The following CC2D2A variants were observed in gnomAD, a reference collection of about 807,000 sequenced individuals.
CC2D2A encodes the protein coiled-coil and C2 domain-containing protein 2A.
In CC2D2A, 155 loss-of-function variants were observed where a neutral mutation model predicts 212.9. The ratio of observed to expected loss-of-function variants is 0.73; its 90% confidence interval spans 0.64 to 0.83. CC2D2A has a LOEUF of 0.83. Ranked by LOEUF, CC2D2A falls within the 40% of genes least tolerant of loss-of-function variation. The pLI is 0.00. For synonymous variants in CC2D2A, 667 were observed against 686.5 expected (o/e 0.97, Z 0.44); for missense variants, 1,856 against 1,956.2 (o/e 0.95, Z 0.97).
intron 20 of CC2D2A, among the ~76,000 whole-genome samples, chr4:15,555,867 G>A (rs1457830302): frequency 6.6e-6 from 1 of 152,192 alleles, no homozygotes; most frequent in African/African-American, 2.4e-5. Context: ...CTTCTCCAGA[G>A]AGGAAGCTGA....
chr4:15,583,844 G>A (rs1009154781), intron 30 of CC2D2A, among the ~76,000 whole-genome samples: 2 of 151,438 alleles, frequency 1.3e-5, no homozygotes, highest in Non-Finnish European at 2.9e-5. Flanking sequence ...CCAGCTACTC[G>A]GGAGGCTGAG....
chr4:15,481,955 C>T (rs528547650), intron 4 of CC2D2A: 84 of 985,432 alleles, frequency 8.5e-5, no homozygotes, highest in Middle Eastern at 1.0e-3. Flanking sequence ...CCCCTACACA[C>T]GCCTTTTCTT....
chr4:15,600,957 A>G (rs966141233), intron 36 of CC2D2A, among the ~76,000 whole-genome samples: 2 of 151,884 alleles, frequency 1.3e-5, no homozygotes, highest in African/African-American at 4.8e-5. Context: ...TAACCTATGT[A>G]TCTGGAATTA....
intron 6 of CC2D2A, among the ~76,000 whole-genome samples, chr4:15,506,796 G>A (rs192796724): frequency 3.3e-5 from 5 of 152,162 alleles, no homozygotes; most frequent in East Asian, 1.9e-4. Flanking sequence ...ATCCTAGGCC[G>A]GGTGCGGTGG....
At chr4:15,567,288 A>G (rs2109070003) in intron 24 of CC2D2A, 89 bp from the exon 25 acceptor site, 1 of 998,736 alleles carries the variant, frequency 1.0e-6, no homozygotes, top group South Asian at 1.4e-5. Flanking sequence ...ACAGAGTGAG[A>G]CCCTATCTCA....
intron 28 of CC2D2A, among the ~76,000 whole-genome samples, chr4:15,571,606 CA>C (rs11393258): frequency 9.4e-4 from 134 of 142,390 alleles, no homozygotes; most frequent in Non-Finnish European, 8.7e-4. Flanking sequence ...CCGTTTAAAC[CA>C]AAAAAAAAAA....
chr4:15,522,545 T>A (rs973064072), intron 11 of CC2D2A, among the ~76,000 whole-genome samples: 1 of 151,900 alleles, frequency 6.6e-6, no homozygotes, highest in South Asian at 2.1e-4. Context: ...AAAAGGGTAG[T>A]TTTTAAAAGT....
intron 15 of CC2D2A, among the ~76,000 whole-genome samples, chr4:15,537,359 A>G (rs1718189529): frequency 6.6e-6 from 1 of 152,246 alleles, no homozygotes; most frequent in Non-Finnish European, 1.5e-5. Context: ...TGTAGTAATC[A>G]CTAATGCATG....
intron 34 of CC2D2A, 70 bp downstream of exon 34, chr4:15,596,277 T>TA: frequency 7.3e-7 from 1 of 1,368,374 alleles, no homozygotes; most frequent in Admixed American, 3.0e-5. Context: ...GGTTACAAGA[T>TA]ATTTTTTACC....
At chr4:15,591,277 C>A (rs576151960) in intron 33 of CC2D2A, among the ~76,000 whole-genome samples, 1 of 146,312 alleles carries the variant, frequency 6.8e-6, no homozygotes. Flanking sequence ...TGGAGTGCAA[C>A]GGAGCGATCT....
chr4:15,506,176 T>C (rs1716245011), intron 6 of CC2D2A, among the ~76,000 whole-genome samples: 1 of 152,216 alleles, frequency 6.6e-6, no homozygotes, highest in South Asian at 2.1e-4. Flanking sequence ...TGTATTATAG[T>C]TCTTTAAAAT....
chr4:15,575,791 T>C (rs7690497), intron 29 of CC2D2A, among the ~76,000 whole-genome samples: 146,252 of 152,372 alleles, frequency 0.96, 70,467 homozygotes, highest in East Asian at 1. Flanking sequence ...TGAACGCCAA[T>C]AAACATGTTT....
chr4:15,551,093 T>G, intron 18 of CC2D2A, 113 bp downstream of exon 18: 1 of 988,378 alleles, frequency 1.0e-6, no homozygotes, highest in Admixed American at 3.2e-5. Context: ...ATATCAAAAA[T>G]TCAAATTCAA....
chr4:15,552,727 G>A (rs112167782), intron 18 of CC2D2A, among the ~76,000 whole-genome samples: 12 of 152,238 alleles, frequency 7.9e-5, no homozygotes, highest in African/African-American at 1.9e-4. Context: ...CTTCTTTAGC[G>A]CTATCTTCAG....
intron 20 of CC2D2A, among the ~76,000 whole-genome samples, chr4:15,556,800 C>T (rs1328006442): frequency 6.6e-6 from 1 of 152,230 alleles, no homozygotes; most frequent in Non-Finnish European, 1.5e-5. Context: ...GGATCCATCT[C>T]TGGCTAACTT....
intron 11 of CC2D2A, among the ~76,000 whole-genome samples, chr4:15,522,345 G>T (rs1042286948): frequency 1.3e-5 from 2 of 152,094 alleles, no homozygotes; most frequent in East Asian, 3.9e-4. Flanking sequence ...ACTTCACCCG[G>T]CAGGATCGAC....
intron 11 of CC2D2A, among the ~76,000 whole-genome samples, chr4:15,517,208 A>G (rs187828696): frequency 2.0e-4 from 31 of 152,110 alleles, no homozygotes; most frequent in Admixed American, 1.5e-3. Flanking sequence ...CAGCCTCCCA[A>G]AGTGCTGGGA....
chr4:15,493,641 G>T (rs1449776926), intron 4 of CC2D2A, among the ~76,000 whole-genome samples: 7 of 152,022 alleles, frequency 4.6e-5, no homozygotes, highest in African/African-American at 1.7e-4. Context: ...TGTGTTATTT[G>T]TCTCTACACT....
chr4:15,493,971 C>A (rs754005976), intron 4 of CC2D2A, among the ~76,000 whole-genome samples: 1 of 152,164 alleles, frequency 6.6e-6, no homozygotes, highest in Non-Finnish European at 1.5e-5. Flanking sequence ...TCATGAAGCT[C>A]GTTCTGAGAC....
Sources: allele counts gnomAD v4.1 joint callset (sites outside exome capture counted in the v4.1 genomes callset), GRCh38; gene constraint gnomAD v4.1.1; transcripts MANE v1.5; gene names NCBI Gene and HGNC (gene_info 2026-07-23, HGNC 2026-07-21).